The following TRAF3IP1 variants were observed in gnomAD, a reference collection of about 807,000 sequenced individuals.
TRAF3IP1 encodes the protein intraflagellar transport 54.
TRAF3IP1 carries 53 observed loss-of-function variants against 89.9 expected under a neutral mutation model. The ratio of observed to expected loss-of-function variants is 0.59; its 90% CI spans 0.47 to 0.74. The LOEUF (loss-of-function observed/expected upper bound fraction) is 0.74. TRAF3IP1 is among the 30% of genes least tolerant of loss of function. TRAF3IP1 has a pLI of 0.00. For synonymous variants in TRAF3IP1, 311 were observed against 322.1 expected, an observed-to-expected ratio of 0.97 and a Z score of 0.37; for missense variants, 806 against 866.1, an observed-to-expected ratio of 0.93 and a Z score of 0.87.
intron 8 of TRAF3IP1, 61 bp from the exon 9 acceptor site, chr2:238,344,436 G>A: frequency 8.3e-6 from 11 of 1,331,790 alleles, no homozygotes; most frequent in South Asian, 3.6e-5. Flanking sequence ...TAATGAAGCC[G>A]CTGATCACCG....
intron 15 of TRAF3IP1, among the ~76,000 whole-genome samples, chr2:238,396,354 G>A (rs1178834394): frequency 3.3e-5 from 4 of 120,942 alleles, no homozygotes; most frequent in African/African-American, 1.3e-4. Context: ...ACAGGAAGGG[G>A]AACATCACAA....
At chr2:238,381,516 C>G (rs1362203929) in intron 15 of TRAF3IP1, among the ~76,000 whole-genome samples, 1 of 152,132 alleles carries the variant, frequency 6.6e-6, no homozygotes, top group Admixed American at 6.5e-5. Flanking sequence ...CGCTGGAGGC[C>G]GGGAAGGTGG....
intron 12 of TRAF3IP1, 76 bp from the exon 13 acceptor site, chr2:238,352,751 C>T (rs1699229948): frequency 6.9e-7 from 1 of 1,438,980 alleles, no homozygotes; most frequent in East Asian, 2.3e-5. Context: ...TCTCTGCCGA[C>T]CTCTGACACA....
At chr2:238,337,166 A>T in intron 7 of TRAF3IP1, among the ~76,000 whole-genome samples, 1 of 152,158 alleles carries the variant, frequency 6.6e-6, no homozygotes, top group East Asian at 1.9e-4. Flanking sequence ...GCAGACATTT[A>T]TGATAATAAA....
intron 15 of TRAF3IP1, 62 bp from the exon 16 acceptor site, chr2:238,397,397 G>A (rs866697094): frequency 4.0e-6 from 6 of 1,490,018 alleles, no homozygotes; most frequent in African/African-American, 1.4e-5. Context: ...TGAGTGCACC[G>A]GCCCTGTTCT....
At chr2:238,327,019 G>A (rs1697870840) in intron 3 of TRAF3IP1, among the ~76,000 whole-genome samples, 1 of 152,238 alleles carries the variant, frequency 6.6e-6, no homozygotes, top group Non-Finnish European at 1.5e-5. Flanking sequence ...CCGGCTTCCA[G>A]TAGCCTCGGG....
In TRAF3IP1 at chr2:238,399,099, G is replaced by T; in HGVS notation, c.*180G>T. On this transcript the variant is annotated 3_prime_UTR_variant, in exon 17 of 17. Transcript: ENST00000373327. ...ATGTTAAGTGTATTAAAAAAACCATGTTTTCTTACCTCCTTCCAGATGGAA... is the reference window on the plus strand; with the variant it reads ...ATGTTAAGTGTATTAAAAAAACCATTTTTTCTTACCTCCTTCCAGATGGAA... The T allele has an allele frequency of 1.8e-6, 1 of 562,282 alleles. No homozygotes were observed. The highest frequency in any genetic ancestry group is 2.9e-6 in the Non-Finnish European group (1 of 339,418). 34.8% of individuals were successfully genotyped at this position (562,282 alleles called of 1,614,324 possible).
At chr2:238,329,812 T>C (rs967422526) in intron 5 of TRAF3IP1, among the ~76,000 whole-genome samples, 6 of 152,180 alleles carry the variant, frequency 3.9e-5, no homozygotes, top group Admixed American at 6.5e-5. Flanking sequence ...CATGAAACAC[T>C]GGATGGAATT....
chr2:238,349,271 G>A, intron 11 of TRAF3IP1, 54 bp from the exon 12 acceptor site: 1 of 1,541,852 alleles, frequency 6.5e-7, no homozygotes, highest in Admixed American at 1.8e-5. Context: ...TTTCCAGTTT[G>A]AAATGTATAA....
chr2:238,356,118 A>T, intron 15 of TRAF3IP1, 38 bp downstream of exon 15: 1 of 1,484,756 alleles, frequency 6.7e-7, no homozygotes, highest in Admixed American at 1.7e-5. Flanking sequence ...GCATTTTAGC[A>T]GTCTGTTTCA....
At chr2:238,349,620 A>G (rs1699055373) in intron 12 of TRAF3IP1, among the ~76,000 whole-genome samples, 1 of 152,262 alleles carries the variant, frequency 6.6e-6, no homozygotes, top group Non-Finnish European at 1.5e-5. Context: ...CATGTAAAAT[A>G]CATCTTCACA....
rs551592337 is a variant in TRAF3IP1 at position 238,376,973 on chromosome 2, G to A, written c.1690-20486G>A. Among the ~76,000 whole-genome samples the A allele has an allele frequency of 6.4e-4, 98 of 152,270 alleles. 1 individual carries two copies. Among genetic ancestry groups the A allele is most frequent in the South Asian group, 5.6e-3 (27 of 4,822 alleles). On this transcript the variant is annotated intron_variant, in intron 15 of 16. Coordinates refer to ENST00000373327, the MANE Select transcript of TRAF3IP1 (RefSeq NM_015650.4). ...CTGGGGCATTTGGAGGTTAAGGAAC[G>A]TGTCCGGGGCCGTATGAGTGGTGAG... is the stretch of plus-strand genomic sequence containing the variant.
At position 238,320,805 on chromosome 2, in the gene TRAF3IP1, C is replaced by T; in HGVS notation, c.123+20C>T. 2 of 1,393,594 alleles carry T rather than the reference C, an allele frequency of 1.4e-6. No individual in the cohort carries two copies. The highest frequency in any genetic ancestry group is 1.5e-5 in the African/African-American group (1 of 66,488). 86.3% of individuals were successfully genotyped at this position (1,393,594 alleles called of 1,614,324 possible). The stretch of plus-strand genomic sequence containing the variant: ...ACGGAGGTGGGCGCCGGGGACCGGG[C>T]CCGGCCAGGTGCGGGTCGGGATTCC... On this transcript the variant is annotated intron_variant, in intron 1 of 16. Transcript: ENST00000373327.
intron 7 of TRAF3IP1, among the ~76,000 whole-genome samples, chr2:238,337,248 A>G (rs924207537): frequency 2.0e-5 from 3 of 152,214 alleles, no homozygotes; most frequent in African/African-American, 7.2e-5. Context: ...CAAGAGGAGC[A>G]GGAATGAGGG....
At chr2:238,326,806 T>C (rs1697856906) in intron 3 of TRAF3IP1, among the ~76,000 whole-genome samples, 1 of 152,100 alleles carries the variant, frequency 6.6e-6, no homozygotes, top group Admixed American at 6.5e-5. Flanking sequence ...CAGTGGGTAG[T>C]GGAGGTGCAT....
At chr2:238,392,140 G>A (rs1701018601) in intron 15 of TRAF3IP1, among the ~76,000 whole-genome samples, 2 of 152,182 alleles carry the variant, frequency 1.3e-5, no homozygotes, top group South Asian at 4.1e-4. Context: ...GCAGGCTGAG[G>A]CAGGAGAATC....
At chr2:238,356,621 A>C (rs1025135832) in intron 15 of TRAF3IP1, among the ~76,000 whole-genome samples, 2 of 152,114 alleles carry the variant, frequency 1.3e-5, no homozygotes, top group Admixed American at 1.3e-4. Context: ...GCAGCGGCTT[A>C]CTTGGGGAGC....
At chr2:238,359,843 C>T (rs1286103603) in intron 15 of TRAF3IP1, among the ~76,000 whole-genome samples, 3 of 152,146 alleles carry the variant, frequency 2.0e-5, no homozygotes, top group Admixed American at 6.5e-5. Context: ...TTTCATGATA[C>T]GTTCCGATGA....
chr2:238,389,451 A>T (rs113895077), intron 15 of TRAF3IP1, among the ~76,000 whole-genome samples: 67 of 150,528 alleles, frequency 4.5e-4, no homozygotes, highest in African/African-American at 1.6e-3. Context: ...AAGATATTTT[A>T]AAAATAATAC....
Sources: allele counts gnomAD v4.1 joint callset (sites outside exome capture counted in the v4.1 genomes callset), GRCh38; gene constraint gnomAD v4.1.1; transcripts MANE v1.5; gene names NCBI Gene and HGNC (gene_info 2026-07-23, HGNC 2026-07-21).